Variants in CRLF1 observed in about 807,000 individuals in gnomAD.
CRLF1 encodes the protein cytokine receptor-like factor 1.
A neutral mutation model predicts 48.9 loss-of-function variants in CRLF1; 36 were observed. That is an observed-to-expected ratio of 0.74 (90% CI 0.56 to 0.97). The LOEUF is 0.97. Among genes scored for constraint, CRLF1 ranks in the 50% least tolerant of loss-of-function variants. The probability of loss-of-function intolerance (pLI) is 0.00; values close to 1 mark genes in which losing one functional copy is unlikely to be tolerated. For synonymous variants in CRLF1, 256 were observed against 253.4 expected (o/e 1.01, Z -0.10); for missense variants, 534 against 575.1 (o/e 0.93, Z 0.73).
chr19:18,599,786 G>T lies in CRLF1; in HGVS notation c.176C>A (p.Thr59Asn). ...TLLIGSSLLA[T>N]CSVHGDPPGA... ...TGGTGGGTCTCCGTGCACTGAGCAG[G>T]TGGCCAGCAGGGAGGAGCCGATGAG... is the stretch of plus-strand genomic sequence containing the variant. The change falls in exon 2 of 9, where the codon ACC becomes AAC. Residue 59 changes from threonine to asparagine, a missense_variant. Around this residue, in one of 2 missense-constraint regions of CRLF1, gnomAD observed 528 missense variants for 555.7 expected, o/e 0.95. Transcript: ENST00000392386. 1 of 1,583,662 alleles carries T rather than the reference G, an allele frequency of 6.3e-7. No individual in the cohort carries two copies. Among genetic ancestry groups the T allele is most frequent in the Non-Finnish European group, 8.6e-7 (1 of 1,161,928 alleles).
chr19:18,594,030 GCTCC>G (rs1976092472), intron 8 of CRLF1, 31 bp downstream of exon 8: 6 of 1,315,226 alleles, frequency 4.6e-6, no homozygotes, highest in Admixed American at 2.3e-5. Context: ...CCCTCCCCTT[GCTCC>G]CTCCCGCCCA....
Position 18,599,602 on chromosome 19 carries a change from G to A in CRLF1, c.360C>T (p.Asp120=), listed in dbSNP as rs562764303. The A allele has an allele frequency of 3.8e-5, 61 of 1,613,034 alleles. No homozygotes were observed. Among genetic ancestry groups the A allele is most frequent in the Middle Eastern group, 3.5e-4 (2 of 5,696 alleles). Residue 120 remains aspartate (D), a synonymous_variant, in exon 2 of 9, where the codon GAC becomes GAT. Transcript: ENST00000392386. The part of the protein sequence containing the change: ...SGDNLVCHAR[D]GSILAGSCLY... ...GGCAGGAGCCAGCCAGGATGCTGCC[G>A]TCACGGGCGTGGCACACGAGGTTGT...
At chr19:18,596,871 G>C (rs764501088) in intron 5 of CRLF1, 21 bp downstream of exon 5, 19 of 1,613,850 alleles carry the variant, frequency 1.2e-5, no homozygotes, top group Admixed American at 5.0e-5. Context: ...CAGGGGCGGA[G>C]TCAGGGAAGG....
Position 18,593,491 on chromosome 19 carries a change from T to A in CRLF1, c.*75A>T. ...TGGCTCAGGTGCCCTGAAGTGAGGG[T>A]ACAGAGGTGGCCCCAGTTTGGGTTC... On this transcript the variant is annotated 3_prime_UTR_variant, in exon 9 of 9. Coordinates refer to ENST00000392386, the MANE Select transcript of CRLF1 (RefSeq NM_004750.5). 1 of 1,591,932 alleles carries A rather than the reference T, an allele frequency of 6.3e-7. No individual in the cohort carries two copies. The highest frequency in any genetic ancestry group is 1.1e-5 in the South Asian group (1 of 87,988).
At chr19:18,596,025 T>A (rs1976127494) in intron 6 of CRLF1, among the ~76,000 whole-genome samples, 1 of 152,204 alleles carries the variant, frequency 6.6e-6, no homozygotes, top group Non-Finnish European at 1.5e-5. Flanking sequence ...GGGAGACCAC[T>A]GCTGGTGGGG....
intron 1 of CRLF1, among the ~76,000 whole-genome samples, chr19:18,605,151 C>T (rs1179340695): frequency 6.6e-6 from 1 of 151,632 alleles, no homozygotes; most frequent in Non-Finnish European, 1.5e-5. Flanking sequence ...TGCCCCCCCA[C>T]CCCCTACACC....
At chr19:18,604,948 G>T (rs895665530) in intron 1 of CRLF1, among the ~76,000 whole-genome samples, 1 of 152,138 alleles carries the variant, frequency 6.6e-6, no homozygotes, top group Non-Finnish European at 1.5e-5. Flanking sequence ...CAAGCAGGGC[G>T]GAAGGGTGGC....
chr19:18,604,271 A>G (rs1057104132), intron 1 of CRLF1, among the ~76,000 whole-genome samples: 2 of 151,984 alleles, frequency 1.3e-5, no homozygotes, highest in Admixed American at 6.5e-5. Flanking sequence ...GGCGGGGGAC[A>G]CCGGGCGGCG....
chr19:18,605,584 G>A (rs1568443550), intron 1 of CRLF1, among the ~76,000 whole-genome samples: 2 of 152,242 alleles, frequency 1.3e-5, no homozygotes, highest in African/African-American at 4.8e-5. Flanking sequence ...GTCCGCGATG[G>A]TGCGCGAATG....
chr19:18,594,514 G>C, intron 6 of CRLF1, 80 bp from the exon 7 acceptor site: 2 of 1,125,830 alleles, frequency 1.8e-6, no homozygotes, highest in Non-Finnish European at 2.3e-6. Context: ...ACCCCGGCGC[G>C]GCGGGACCAT....
intron 4 of CRLF1, among the ~76,000 whole-genome samples, chr19:18,598,003 G>T (rs1457621147): frequency 6.6e-6 from 1 of 152,100 alleles, no homozygotes; most frequent in Non-Finnish European, 1.5e-5. Context: ...AGGCCTGCTT[G>T]GGGCTGAGAA....
At chr19:18,603,449 G>A (rs1168503732) in intron 1 of CRLF1, among the ~76,000 whole-genome samples, 2 of 152,248 alleles carry the variant, frequency 1.3e-5, no homozygotes, top group Non-Finnish European at 2.9e-5. Flanking sequence ...GGTGGGAAAT[G>A]AGGTTTGAGA....
At chr19:18,605,540 G>A (rs1186661495) in intron 1 of CRLF1, among the ~76,000 whole-genome samples, 4 of 152,226 alleles carry the variant, frequency 2.6e-5, no homozygotes, top group Non-Finnish European at 4.4e-5. Flanking sequence ...GTGTGTGACC[G>A]TGAATGTGTG....
intron 1 of CRLF1, among the ~76,000 whole-genome samples, chr19:18,601,915 C>T (rs1233458614): frequency 2.0e-5 from 3 of 152,236 alleles, no homozygotes; most frequent in African/African-American, 7.2e-5. Context: ...ACCTCTGGAA[C>T]TAAAGGCAGC....
Position 18,599,610 on chromosome 19 carries a change from C to T in CRLF1, c.352G>A (p.Ala118Thr). 6 of 1,613,180 alleles carry T rather than the reference C, an allele frequency of 3.7e-6. No homozygotes were observed. The highest frequency in any genetic ancestry group is 1.7e-5 in the Admixed American group (1 of 60,022). ...CCAGCCAGGATGCTGCCGTCACGGG[C>T]GTGGCACACGAGGTTGTCCCCCGAC... is the stretch of plus-strand genomic sequence containing the variant. The part of the protein sequence containing the change: ...QRSGDNLVCH[A>T]RDGSILAGSC... The change falls in exon 2 of 9, where the codon GCC (alanine) becomes ACC (threonine). Residue 118 changes from alanine (A) to threonine (T), a missense_variant. Coordinates refer to ENST00000392386, the MANE Select transcript of CRLF1 (RefSeq NM_004750.5).
At chr19:18,601,124 C>A (rs1568442248) in intron 1 of CRLF1, among the ~76,000 whole-genome samples, 1 of 152,184 alleles carries the variant, frequency 6.6e-6, no homozygotes, top group Non-Finnish European at 1.5e-5. Flanking sequence ...TTTTCATTCT[C>A]ATTTTGTTTT....
chr19:18,606,547 C>T lies in CRLF1; in HGVS notation c.110G>A (p.Gly37Glu). 1 of 1,155,296 alleles carries T rather than the reference C, an allele frequency of 8.7e-7. No individual in the cohort carries two copies. The highest frequency in any genetic ancestry group is 1.1e-6 in the Non-Finnish European group (1 of 939,632). The allele number at this position is 1,155,296 out of a possible 1,614,324, so 71.6% of individuals were successfully genotyped here. Residue 37 changes from glycine to glutamate, a missense_variant, in exon 1 of 9, where the codon GGA becomes GAA. Coordinates refer to ENST00000392386, the MANE Select transcript of CRLF1 (RefSeq NM_004750.5). This position sits in a 1 kb window ranked among gnomAD's most constrained non-coding sequence, Gnocchi z 4.8. ...CVLGAPRAGS[G>E]AHTAVISPQD... The stretch of plus-strand genomic sequence containing the variant: ...GTGGGGCGCCGGGTACTCACGGGCT[C>T]CTGATCCGGCTCGCGGCGCCCCGAG...
At chr19:18,595,788 C>T (rs575276158) in intron 6 of CRLF1, among the ~76,000 whole-genome samples, 5 of 152,340 alleles carry the variant, frequency 3.3e-5, no homozygotes, top group East Asian at 1.9e-4. Context: ...CCTGTGGACC[C>T]GGAGAAATCC....
intron 6 of CRLF1, among the ~76,000 whole-genome samples, chr19:18,595,003 A>G (rs1976112511): frequency 6.6e-6 from 1 of 152,114 alleles, no homozygotes; most frequent in African/African-American, 2.4e-5. Context: ...CGAGTGCAAG[A>G]TGACCCCATG....
Sources: allele counts gnomAD v4.1 joint callset (sites outside exome capture counted in the v4.1 genomes callset), GRCh38; gene constraint gnomAD v4.1.1; regional missense constraint gnomAD v4.1.1; non-coding constraint Gnocchi (gnomAD v3.1); transcripts MANE v1.5; gene names NCBI Gene and HGNC (gene_info 2026-07-23, HGNC 2026-07-21).